Variants in CRTAC1 observed in about 807,000 individuals in gnomAD.
CRTAC1 encodes the protein acidic secreted protein in cartilage.
A neutral mutation model predicts 67.8 loss-of-function variants in CRTAC1; 37 were observed. The observed-to-expected ratio is 0.55, with a 90% CI of 0.42 to 0.72. The LOEUF is 0.72. Ranked by LOEUF, CRTAC1 falls within the 30% of genes least tolerant of loss-of-function variation. CRTAC1 has a pLI of 0.00. For synonymous variants in CRTAC1, 348 were observed against 371.0 expected (o/e 0.94, Z 0.71); for missense variants, 780 against 931.6 (o/e 0.84, Z 2.12).
At chr10:97,939,454 A>C (rs1312215916) in intron 2 of CRTAC1, among the ~76,000 whole-genome samples, 1 of 152,080 alleles carries the variant, frequency 6.6e-6, no homozygotes, top group African/African-American at 2.4e-5. Context: ...CATCTCCCCC[A>C]GTCCCCACTG....
intron 14 of CRTAC1, among the ~76,000 whole-genome samples, chr10:97,872,848 C>T (rs2050108324): frequency 6.6e-6 from 1 of 152,136 alleles, no homozygotes; most frequent in Admixed American, 6.5e-5. Context: ...ATCCCAGTCC[C>T]CAGATGAACT....
In CRTAC1 at chr10:97,896,959, A is replaced by C; in HGVS notation, c.1166T>G (p.Ile389Ser). ...VIRREHGDPLIEELNPGDALE... is the reference protein window; with the variant it reads ...VIRREHGDPLSEELNPGDALE... ...GGCGTCGCCGGGATTGAGCTCCTCG[A>C]TGAGGGGGTCTCCGTGCTCTCTACG... Residue 389 changes from isoleucine (I) to serine (S), a missense_variant, in exon 9 of 15, where the codon ATC (isoleucine) becomes AGC (serine). By Grantham distance (142) the Ile-to-Ser change is moderately radical (BLOSUM62 -2). Transcript: ENST00000370597. 1.0e-5 allele frequency: 16 copies of C among 1,560,712 alleles called. No individual in the cohort carries two copies. Among genetic ancestry groups the C allele is most frequent in the Non-Finnish European group, 1.4e-5 (16 of 1,151,640 alleles).
At chr10:97,905,835 T>C (rs921387495) in intron 6 of CRTAC1, among the ~76,000 whole-genome samples, 4 of 152,196 alleles carry the variant, frequency 2.6e-5, no homozygotes, top group Non-Finnish European at 4.4e-5. Flanking sequence ...CTGTGCCCAA[T>C]GCCACCTGCT....
At chr10:97,941,629 C>A (rs777287360) in intron 2 of CRTAC1, among the ~76,000 whole-genome samples, 10 of 152,146 alleles carry the variant, frequency 6.6e-5, no homozygotes, top group Non-Finnish European at 1.3e-4. Context: ...CTGTCCCTCC[C>A]CTTTGTCTTC....
chr10:97,925,091 C>T lies in CRTAC1; in HGVS notation c.422-1691G>A, dbSNP rs148537445. On this transcript the variant is annotated intron_variant, in intron 3 of 14. Coordinates refer to ENST00000370597, the MANE Select transcript of CRTAC1 (RefSeq NM_018058.7). ...AGACCAGCCAGGCAACATAGCAAGA[C>T]CCCATCTTTACAAACCCTCCCCCTC... 1.4e-3 allele frequency among the ~76,000 whole-genome samples: 215 copies of T among 152,238 alleles called. 2 individuals carry two copies. Among genetic ancestry groups the T allele is most frequent in the African/African-American group, 4.9e-3 (204 of 41,548 alleles).
At chr10:97,922,388 T>C (rs372195681) in intron 4 of CRTAC1, among the ~76,000 whole-genome samples, 6 of 152,192 alleles carry the variant, frequency 3.9e-5, no homozygotes, top group Admixed American at 3.3e-4. Context: ...CTCGGTGCCA[T>C]CTCAATCCCA....
intron 1 of CRTAC1, among the ~76,000 whole-genome samples, chr10:98,028,505 G>T (rs1843287214): frequency 6.6e-6 from 1 of 152,094 alleles, no homozygotes; most frequent in African/African-American, 2.4e-5. Context: ...TCTTTCTATA[G>T]AAGTCTATTG....
intron 1 of CRTAC1, among the ~76,000 whole-genome samples, chr10:98,024,229 G>A (rs954733801): frequency 5.3e-5 from 8 of 152,164 alleles, no homozygotes; most frequent in East Asian, 1.9e-4. Flanking sequence ...GTACTTGTCC[G>A]GTGCAAACAA....
At chr10:97,907,316 G>C (rs575653252) in intron 6 of CRTAC1, among the ~76,000 whole-genome samples, 1 of 152,128 alleles carries the variant, frequency 6.6e-6, no homozygotes, top group Admixed American at 6.5e-5. Context: ...GGTGATATTT[G>C]AGGTGAACGA....
intron 14 of CRTAC1, among the ~76,000 whole-genome samples, chr10:97,878,908 GCCCAAA>G (rs1297998477): frequency 6.6e-6 from 1 of 152,114 alleles, no homozygotes; most frequent in Non-Finnish European, 1.5e-5. Context: ...CCTTCACTTG[GCCCAAA>G]CCCTGGTCCC....
chr10:97,882,958 G>T (rs1186973728), intron 12 of CRTAC1, 130 bp from the exon 13 acceptor site: 2 of 908,256 alleles, frequency 2.2e-6, no homozygotes, highest in Non-Finnish European at 3.5e-6. Context: ...CTCTGGGCCT[G>T]GGGGGAGCCC....
intron 5 of CRTAC1, among the ~76,000 whole-genome samples, chr10:97,915,190 C>T (rs1328913731): frequency 6.6e-6 from 1 of 152,198 alleles, no homozygotes; most frequent in African/African-American, 2.4e-5. Flanking sequence ...GTGGGCCTCC[C>T]CTCACAGCCC....
chr10:97,950,240 C>CAGAGAGAGAGAG (rs1336847727), intron 2 of CRTAC1, among the ~76,000 whole-genome samples: 1 of 104,128 alleles, frequency 9.6e-6, no homozygotes, highest in African/African-American at 3.7e-5. Context: ...CGTGCACACA[C>CAGAGAGAGAGAG]ACACACAGAG....
At chr10:98,004,110 CA>C (rs1230496091) in intron 2 of CRTAC1, among the ~76,000 whole-genome samples, 3 of 152,196 alleles carry the variant, frequency 2.0e-5, no homozygotes, top group Non-Finnish European at 4.4e-5. Flanking sequence ...TATTCAAAAT[CA>C]GGGGCAGTCC....
chr10:97,971,476 G>A (rs1446734670), intron 2 of CRTAC1, among the ~76,000 whole-genome samples: 1 of 152,236 alleles, frequency 6.6e-6, no homozygotes, highest in East Asian at 1.9e-4. Context: ...ACAGGAAGTT[G>A]AATGGTGGCT....
chr10:97,904,405 T>TTTTTA (rs911606878), intron 7 of CRTAC1, among the ~76,000 whole-genome samples: 2 of 152,154 alleles, frequency 1.3e-5, no homozygotes, highest in African/African-American at 2.4e-5. Context: ...AGGCCCTTTC[T>TTTTTA]TTTTATTTTA....
intron 11 of CRTAC1, among the ~76,000 whole-genome samples, chr10:97,892,574 T>C (rs1405601257): frequency 6.6e-6 from 1 of 152,214 alleles, no homozygotes; most frequent in Admixed American, 6.5e-5. Context: ...GCAAGTTACT[T>C]GACCTCAGCC....
chr10:97,920,899 A>T (rs570964662), intron 4 of CRTAC1, among the ~76,000 whole-genome samples: 1 of 152,360 alleles, frequency 6.6e-6, no homozygotes, highest in South Asian at 2.1e-4. Flanking sequence ...GTAAGAGATC[A>T]GCTTTGAGCT....
At chr10:98,022,367 A>AG (rs1554937272) in intron 1 of CRTAC1, among the ~76,000 whole-genome samples, 2 of 152,218 alleles carry the variant, frequency 1.3e-5, no homozygotes, top group South Asian at 2.1e-4. Context: ...AAAAGAAAAA[A>AG]AAAGAAAGAA....
Sources: allele counts gnomAD v4.1 joint callset (sites outside exome capture counted in the v4.1 genomes callset), GRCh38; gene constraint gnomAD v4.1.1; transcripts MANE v1.5; gene names NCBI Gene and HGNC (gene_info 2026-07-23, HGNC 2026-07-21).